PTPRM: variants seen among roughly 807,000 people sequenced by gnomAD.
PTPRM encodes receptor-type tyrosine-protein phosphatase mu.
Under a neutral mutation model 186.7 loss-of-function variants are expected in PTPRM, and 47 were observed. The ratio of observed to expected loss-of-function variants is 0.25; its 90% CI spans 0.20 to 0.32. The LOEUF (loss-of-function observed/expected upper bound fraction) is 0.32. Among genes scored for constraint, PTPRM ranks in the 10% least tolerant of loss-of-function variants. The pLI is 1.00. For synonymous variants in PTPRM, 668 were observed against 674.9 expected (o/e 0.99, Z 0.16); for missense variants, 1,494 against 1,865.0 (o/e 0.80, Z 3.66).
intron 11 of PTPRM, among the ~76,000 whole-genome samples, chr18:8,099,345 C>T (rs1038813726): frequency 1.3e-5 from 2 of 152,210 alleles, no homozygotes; most frequent in Admixed American, 1.3e-4. Flanking sequence ...CTAGCTCCTT[C>T]AGGGCCAGGC....
chr18:7,885,289 G>A (rs1567966953), intron 2 of PTPRM, among the ~76,000 whole-genome samples: 1 of 152,070 alleles, frequency 6.6e-6, no homozygotes, highest in Non-Finnish European at 1.5e-5. Flanking sequence ...TTTAAACACA[G>A]AGGAAGGGGG....
At chr18:7,842,483 C>G (rs1038832727) in intron 2 of PTPRM, among the ~76,000 whole-genome samples, 5 of 152,102 alleles carry the variant, frequency 3.3e-5, no homozygotes, top group Non-Finnish European at 7.4e-5. Flanking sequence ...GAAGTCCAGA[C>G]GTTGCCGTGA....
At chr18:7,595,846 C>T (rs1487389567) in intron 1 of PTPRM, among the ~76,000 whole-genome samples, 1 of 152,152 alleles carries the variant, frequency 6.6e-6, no homozygotes, top group Non-Finnish European at 1.5e-5. Flanking sequence ...TGATTATTTA[C>T]GTAGAACAAA....
chr18:7,779,492 T>C (rs1232515626), intron 2 of PTPRM, among the ~76,000 whole-genome samples: 1 of 152,206 alleles, frequency 6.6e-6, no homozygotes, highest in African/African-American at 2.4e-5. Context: ...GAAAAATGAC[T>C]ACATATATTT....
intron 2 of PTPRM, among the ~76,000 whole-genome samples, chr18:7,800,513 A>T (rs1473589146): frequency 1.3e-5 from 2 of 152,250 alleles, no homozygotes; most frequent in Non-Finnish European, 2.9e-5. Context: ...AATACAAAAT[A>T]ACAGAAAGCA....
In PTPRM at chr18:7,888,337, C is replaced by G. The variant is rs1202261398; in HGVS notation, c.428C>G (p.Ala143Gly). 17 of 1,613,892 alleles carry G rather than the reference C, an allele frequency of 1.1e-5. No individual in the cohort carries two copies. Among genetic ancestry groups the G allele is most frequent in the Non-Finnish European group, 1.4e-5 (17 of 1,179,906 alleles). ...GACCCAACACGTACATGGAACAGGG[C>G]AGAACTGGCCATTAGTACTTTCTGG... Reference protein sequence around the residue: ...SGDPTRTWNRAELAISTFWPN... With the variant: ...SGDPTRTWNRGELAISTFWPN... Residue 143 changes from alanine to glycine, a missense_variant, in exon 3 of 33, where the codon GCA becomes GGA. This residue lies in a region of PTPRM where 296 missense variants were observed against 345.5 expected (regional missense o/e 0.86). Coordinates refer to ENST00000580170, the MANE Select transcript of PTPRM (RefSeq NM_001105244.2).
At chr18:7,657,686 A>G (rs1224387916) in intron 1 of PTPRM, among the ~76,000 whole-genome samples, 1 of 152,262 alleles carries the variant, frequency 6.6e-6, no homozygotes, top group Non-Finnish European at 1.5e-5. Context: ...TGTGCAGGGC[A>G]TCATTCAAGA....
intron 5 of PTPRM, among the ~76,000 whole-genome samples, chr18:7,947,201 C>T (rs143194258): frequency 1.8e-3 from 279 of 152,304 alleles, no homozygotes; most frequent in Middle Eastern, 6.8e-3. Context: ...GGTGTTCCGG[C>T]GCTTGGGCGG....
intron 1 of PTPRM, among the ~76,000 whole-genome samples, chr18:7,582,591 G>T (rs867716824): frequency 6.6e-6 from 1 of 152,184 alleles, no homozygotes; most frequent in African/African-American, 2.4e-5. Flanking sequence ...GGGAAATTGG[G>T]ACTTACAGAG....
intron 23 of PTPRM, among the ~76,000 whole-genome samples, chr18:8,367,570 C>G (rs1022652197): frequency 3.3e-5 from 5 of 152,258 alleles, no homozygotes; most frequent in Non-Finnish European, 5.9e-5. Context: ...CTGCAGCCGA[C>G]GCGCGGGGGC....
intron 11 of PTPRM, among the ~76,000 whole-genome samples, chr18:8,112,836 G>C (rs547388748): frequency 3.3e-5 from 5 of 152,090 alleles, no homozygotes; most frequent in Non-Finnish European, 2.9e-5. Flanking sequence ...TATGAGATTC[G>C]AGGGGCCTTG....
At position 7,750,574 on chromosome 18, in the gene PTPRM, AC is replaced by A. The variant is rs1441303168; in HGVS notation, c.74-23572del. ...AGAAGTTTTCTGTTTTATATTTAAG[AC>A]CCTCCAACGCTCCAAAATCTGACAT... On this transcript the variant is annotated intron_variant, in intron 1 of 32. Coordinates refer to ENST00000580170, the MANE Select transcript of PTPRM (RefSeq NM_001105244.2). Among the ~76,000 whole-genome samples the A allele has an allele frequency of 2.6e-5, 4 of 152,142 alleles. No individual in the cohort carries two copies. In the East Asian group the frequency reaches 7.7e-4, roughly 29 times the overall value.
At chr18:8,001,805 G>A (rs998767181) in intron 7 of PTPRM, among the ~76,000 whole-genome samples, 9 of 152,274 alleles carry the variant, frequency 5.9e-5, no homozygotes, top group East Asian at 1.9e-4. Context: ...CATGTCAGGC[G>A]TTTGGAAAGC....
intron 20 of PTPRM, among the ~76,000 whole-genome samples, chr18:8,314,392 A>T (rs1427509173): frequency 1.3e-5 from 2 of 152,184 alleles, no homozygotes; most frequent in African/African-American, 4.8e-5. Flanking sequence ...GTTTGTAATC[A>T]TCATTTGTCA....
chr18:7,803,810 C>T (rs777678213), intron 2 of PTPRM, among the ~76,000 whole-genome samples: 2 of 152,030 alleles, frequency 1.3e-5, no homozygotes, highest in South Asian at 2.1e-4. Flanking sequence ...AGGCTCTTCA[C>T]GGACAACACA....
chr18:8,261,700 A>G (rs1350407523), intron 19 of PTPRM, among the ~76,000 whole-genome samples: 2 of 152,158 alleles, frequency 1.3e-5, no homozygotes, highest in Non-Finnish European at 2.9e-5. Context: ...ATCATATACA[A>G]GCTCAGACTT....
rs113362161 is a variant in PTPRM, at chr18:8,056,405, G to A, written c.1133-13281G>A. 5.6e-3 allele frequency among the ~76,000 whole-genome samples: 848 copies of A among 152,262 alleles called. 12 individuals are homozygous for A. Among genetic ancestry groups the A allele is most frequent in the African/African-American group, 0.019 (780 of 41,568 alleles). On this transcript the variant is annotated intron_variant, in intron 7 of 32. Transcript: ENST00000580170. ...TCACTTTGGGAGGCCGAGGCAGGTG[G>A]ATCACGAGGCCAGGAGTTCGAGACC...
chr18:7,604,861 A>G (rs1220167696), intron 1 of PTPRM, among the ~76,000 whole-genome samples: 1 of 152,200 alleles, frequency 6.6e-6, no homozygotes, highest in Non-Finnish European at 1.5e-5. Context: ...TTAGTGTTGG[A>G]TGGAATGATA....
intron 1 of PTPRM, among the ~76,000 whole-genome samples, chr18:7,662,133 T>C (rs2038994725): frequency 6.6e-6 from 1 of 152,124 alleles, no homozygotes; most frequent in Non-Finnish European, 1.5e-5. Context: ...ATGAGGTTTC[T>C]TCATGTTGCC....
Sources: allele counts gnomAD v4.1 joint callset (sites outside exome capture counted in the v4.1 genomes callset), GRCh38; gene constraint gnomAD v4.1.1; regional missense constraint gnomAD v4.1.1; transcripts MANE v1.5; gene names NCBI Gene and HGNC (gene_info 2026-07-23, HGNC 2026-07-21).